APOO: variants seen among roughly 807,000 people sequenced by gnomAD.
APOO encodes the protein MICOS complex subunit MIC26.
In APOO, 11 loss-of-function variants were observed where a neutral mutation model predicts 23.1. That is an observed-to-expected ratio of 0.48 (90% CI 0.30 to 0.79). The LOEUF (loss-of-function observed/expected upper bound fraction) is 0.79, where lower values mean the gene tolerates loss of function less well. APOO is among the 30% of genes least tolerant of loss of function. APOO has a pLI of 0.07. For synonymous variants in APOO, 59 were observed against 54.8 expected (o/e 1.08, Z -0.34); for missense variants, 160 against 142.7 (o/e 1.12, Z -0.62).
At chrX:23,889,784 T>TC (rs1295186730) in intron 1 of APOO, among the ~76,000 whole-genome samples, 1 of 105,948 alleles carries the variant, frequency 9.4e-6, no homozygotes, top group Admixed American at 1.0e-4. Flanking sequence ...TGCCTCAGCC[T>TC]CCTGGTAGCT....
chrX:23,903,438 A>T lies in APOO; in HGVS notation c.9+4256T>A, dbSNP rs190379782. ...CTACTGAATTGGAATCCATTTTAAC[A>T]AGAGTCACATGCCCATTAAAGTTTG... On this transcript the variant is annotated intron_variant, in intron 1 of 8. Coordinates refer to ENST00000379226, the MANE Select transcript of APOO (RefSeq NM_024122.5). 1.8e-3 allele frequency among the ~76,000 whole-genome samples: 198 copies of T among 111,313 alleles called. 1 individual carries two copies. The highest frequency in any genetic ancestry group is 0.014 in the Middle Eastern group (3 of 215).
chrX:23,890,293 C>A (rs1317264166), intron 1 of APOO, among the ~76,000 whole-genome samples: 1 of 111,743 alleles, frequency 8.9e-6, no homozygotes, highest in Admixed American at 9.6e-5. Context: ...ATACCCTCCA[C>A]CCCTAATTCC....
chrX:23,883,770 C>T (rs941594640), intron 1 of APOO: 3 of 111,691 alleles, frequency 2.7e-5, no homozygotes, highest in Non-Finnish European at 3.8e-5. Flanking sequence ...CACCCCTAGA[C>T]GCTGCCATGG....
intron 1 of APOO, among the ~76,000 whole-genome samples, chrX:23,903,357 G>C (rs896320611): frequency 9.3e-6 from 1 of 107,089 alleles, no homozygotes; most frequent in Non-Finnish European, 1.9e-5. Flanking sequence ...GTGATAGAGC[G>C]AGACTCCATC....
intron 3 of APOO, among the ~76,000 whole-genome samples, chrX:23,876,526 C>T (rs1364519879): frequency 1.8e-5 from 2 of 109,912 alleles, no homozygotes; most frequent in Non-Finnish European, 3.8e-5. Context: ...TAAGGCCGGG[C>T]ACAGTGGGTC....
At chrX:23,881,289 G>A (rs759879904) in intron 1 of APOO, among the ~76,000 whole-genome samples, 51 of 109,371 alleles carry the variant, frequency 4.7e-4, no homozygotes, top group African/African-American at 1.6e-3. Context: ...TGGCCAGGCT[G>A]GTCTCGAACT....
intron 3 of APOO, among the ~76,000 whole-genome samples, chrX:23,878,208 C>T (rs779047337): frequency 2.9e-4 from 32 of 112,099 alleles, no homozygotes; most frequent in African/African-American, 9.7e-4. Context: ...TAAGTGTTTA[C>T]GTTGCATCTT....
chrX:23,853,400 G>T (rs1440739971), intron 7 of APOO, among the ~76,000 whole-genome samples: 1 of 111,328 alleles, frequency 9.0e-6, no homozygotes, highest in Non-Finnish European at 1.9e-5. Context: ...TAAGAATATT[G>T]AATTTTGAAT....
intron 1 of APOO, among the ~76,000 whole-genome samples, chrX:23,895,643 A>T (rs1387682329): frequency 9.0e-6 from 1 of 110,939 alleles, no homozygotes; most frequent in African/African-American, 3.3e-5. Context: ...GTATCCCAGG[A>T]CTTAGAGTAA....
rs182730518 is a variant in APOO, at chrX:23,903,951, T to C, written c.9+3743A>G. 9.0e-5 allele frequency among the ~76,000 whole-genome samples: 10 copies of C among 111,185 alleles called. No individual in the cohort carries two copies. In the Admixed American group the frequency reaches 9.6e-4, roughly 11 times the overall value. On this transcript the variant is annotated intron_variant, in intron 1 of 8. Coordinates refer to ENST00000379226, the MANE Select transcript of APOO (RefSeq NM_024122.5). ...ACCAAATTCTCTCTCCTTCCCTTGA[T>C]AGTCAAGCTTATCAACCATCATAGT...
At chrX:23,878,793 CCT>C in intron 3 of APOO, 120 bp downstream of exon 3, 3 of 931,083 alleles carry the variant, frequency 3.2e-6, no homozygotes, top group Non-Finnish European at 4.4e-6. Context: ...CCCTTCCCAG[CCT>C]CTGTCAACCA....
At chrX:23,894,455 T>C (rs939013205) in intron 1 of APOO, among the ~76,000 whole-genome samples, 1 of 111,990 alleles carries the variant, frequency 8.9e-6, no homozygotes, top group African/African-American at 3.2e-5. Flanking sequence ...TGTAATCATA[T>C]GGCTTCCATT....
chrX:23,855,069 A>C (rs1381213437), intron 7 of APOO, among the ~76,000 whole-genome samples: 3 of 94,222 alleles, frequency 3.2e-5, no homozygotes, highest in Non-Finnish European at 6.3e-5. Context: ...ACAGGGCCTC[A>C]CTGTGTTGCT....
intron 5 of APOO, among the ~76,000 whole-genome samples, chrX:23,861,969 AT>A (rs1925069157): frequency 9.2e-6 from 1 of 109,007 alleles, no homozygotes; most frequent in Non-Finnish European, 1.9e-5. Context: ...ACACCCGGCT[AT>A]TTTTTGTATT....
At chrX:23,890,480 G>A (rs561184581) in intron 1 of APOO, among the ~76,000 whole-genome samples, 1 of 112,121 alleles carries the variant, frequency 8.9e-6, no homozygotes, top group Middle Eastern at 4.6e-3. Flanking sequence ...ATTCACTTAT[G>A]CCCCGTTTAC....
intron 7 of APOO, among the ~76,000 whole-genome samples, chrX:23,851,199 C>CT (rs35918681): frequency 1.4e-3 from 142 of 101,258 alleles, no homozygotes; most frequent in Admixed American, 3.1e-3. Context: ...CGGTAATTTC[C>CT]TTTTTTTTTT....
chrX:23,859,923 T>A (rs1924942731), intron 5 of APOO, among the ~76,000 whole-genome samples: 1 of 111,535 alleles, frequency 9.0e-6, no homozygotes. Flanking sequence ...TATGTTCTTT[T>A]ATAGCAATCT....
chrX:23,903,685 A>G (rs1484930411), intron 1 of APOO, among the ~76,000 whole-genome samples: 1 of 112,383 alleles, frequency 8.9e-6, no homozygotes, highest in Non-Finnish European at 1.9e-5. Context: ...CTAAAGACAT[A>G]AAGAACAACC....
chrX:23,848,919 G>C (rs1924389043), intron 7 of APOO, among the ~76,000 whole-genome samples: 1 of 99,325 alleles, frequency 1.0e-5, no homozygotes, highest in African/African-American at 3.7e-5. Context: ...TGCAGTGGTA[G>C]GATCTCAGCT....
Sources: allele counts gnomAD v4.1 joint callset (sites outside exome capture counted in the v4.1 genomes callset), GRCh38; gene constraint gnomAD v4.1.1; transcripts MANE v1.5; gene names NCBI Gene and HGNC (gene_info 2026-07-23, HGNC 2026-07-21).